GEMIN2: variants seen among roughly 807,000 people sequenced by gnomAD.
GEMIN2 encodes gem-associated protein 2.
Under a neutral mutation model 45.8 loss-of-function variants are expected in GEMIN2, and 37 were observed. The observed-to-expected ratio is 0.81, with a 90% CI of 0.62 to 1.06. GEMIN2 has a LOEUF of 1.06. Among genes scored for constraint, GEMIN2 ranks in the 50% least tolerant of loss-of-function variants. The probability of loss-of-function intolerance (pLI) is 0.00; values close to 1 mark genes in which losing one functional copy is unlikely to be tolerated. For missense variants in GEMIN2, 335 were observed against 321.8 expected (o/e 1.04, Z -0.31); for synonymous variants, 101 against 111.5 (o/e 0.91, Z 0.60).
At chr14:39,117,106 C>T (rs1035803329) in intron 2 of GEMIN2, among the ~76,000 whole-genome samples, 1 of 152,150 alleles carries the variant, frequency 6.6e-6, no homozygotes, top group Non-Finnish European at 1.5e-5. Context: ...AACCCCATCT[C>T]TACTAAAAAT....
chr14:39,134,488 A>G (rs1003874602), intron 9 of GEMIN2: 17 of 152,138 alleles, frequency 1.1e-4, no homozygotes, highest in African/African-American at 4.1e-4. Flanking sequence ...TGTTCCATAG[A>G]TCAGTGTTTT....
intron 2 of GEMIN2, among the ~76,000 whole-genome samples, chr14:39,117,300 A>G (rs1247480677): frequency 6.6e-6 from 1 of 151,808 alleles, no homozygotes; most frequent in Non-Finnish European, 1.5e-5. Context: ...ACAGAAGTAG[A>G]CAATTTAAAG....
Position 39,114,841 on chromosome 14 carries a change from T to C in GEMIN2, c.150T>C (p.Ala50=). ...EYLRRVQIEA[A]QCPDVVVAQI... is the part of the protein sequence containing the mutation. ...TACTTATTTGTAGGATCGAAGCAGC[T>C]CAATGTCCAGATGTTGTGGTAGCTC... The change falls in exon 2 of 10, where the codon GCT becomes GCC. Residue 50 remains alanine, a synonymous_variant. Coordinates refer to ENST00000308317, the MANE Select transcript of GEMIN2 (RefSeq NM_003616.3). The C allele has an allele frequency of 6.5e-7, 1 of 1,546,720 alleles. No individual in the cohort carries two copies. Among genetic ancestry groups the C allele is most frequent in the Non-Finnish European group, 8.9e-7 (1 of 1,118,576 alleles).
At chr14:39,126,859 AG>A (rs1227238364) in intron 6 of GEMIN2, among the ~76,000 whole-genome samples, 1 of 151,884 alleles carries the variant, frequency 6.6e-6, no homozygotes, top group Admixed American at 6.6e-5. Flanking sequence ...TCCACCTCCC[AG>A]GTTCAAGCAA....
intron 5 of GEMIN2, 60 bp downstream of exon 5, chr14:39,122,603 A>AT: frequency 9.4e-6 from 8 of 846,700 alleles, no homozygotes; most frequent in South Asian, 1.5e-5. Flanking sequence ...ACCACTTAAT[A>AT]TAAGGGGTCA....
chr14:39,132,282 G>A (rs1177357314), intron 8 of GEMIN2, among the ~76,000 whole-genome samples: 1 of 152,146 alleles, frequency 6.6e-6, no homozygotes, highest in Non-Finnish European at 1.5e-5. Context: ...TATAATCCCA[G>A]CACTTTGGGA....
rs1444509102 is a variant in GEMIN2 at position 39,128,268 on chromosome 14, T to G, written c.532-12T>G. Reference sequence around the variant, plus strand: ...AATACAACTCTTCTCCACCCCCTCTTTTTTTTTTTAGGCAACAGTAACTAG... The same window carrying G: ...AATACAACTCTTCTCCACCCCCTCTGTTTTTTTTTAGGCAACAGTAACTAG... On this transcript the variant is annotated splice_polypyrimidine_tract_variant and intron_variant, in intron 6 of 9. Coordinates refer to ENST00000308317, the MANE Select transcript of GEMIN2 (RefSeq NM_003616.3). 2 of 1,405,666 alleles carry G rather than the reference T, an allele frequency of 1.4e-6. No individual in the cohort carries two copies. Among genetic ancestry groups the G allele is most frequent in the African/African-American group, 2.9e-5 (2 of 68,468 alleles). 87.1% of individuals were successfully genotyped at this position (1,405,666 alleles called of 1,614,324 possible).
intron 8 of GEMIN2, among the ~76,000 whole-genome samples, chr14:39,132,851 G>C (rs2052735639): frequency 6.7e-6 from 1 of 150,196 alleles, no homozygotes; most frequent in South Asian, 2.1e-4. Context: ...GCTAATTTTT[G>C]TATTTTTAGT....
intron 6 of GEMIN2, among the ~76,000 whole-genome samples, chr14:39,127,707 C>A (rs570307955): frequency 9.2e-5 from 14 of 152,114 alleles, no homozygotes; most frequent in African/African-American, 2.9e-4. Flanking sequence ...TTAATAGTTA[C>A]AAACTAAATC....
chr14:39,126,712 G>C (rs146244874), intron 6 of GEMIN2, among the ~76,000 whole-genome samples: 98 of 152,204 alleles, frequency 6.4e-4, no homozygotes, highest in African/African-American at 2.2e-3. Context: ...ATTCAGATTT[G>C]TACTTTGATT....
chr14:39,130,462 G>A (rs2052702284), intron 7 of GEMIN2, among the ~76,000 whole-genome samples: 1 of 152,100 alleles, frequency 6.6e-6, no homozygotes, highest in African/African-American at 2.4e-5. Context: ...AAACCTTGAT[G>A]AATATACATA....
chr14:39,133,808 G>GT (rs909262994), intron 9 of GEMIN2, 89 bp downstream of exon 9: 1,349 of 718,242 alleles, frequency 1.9e-3, no homozygotes, highest in South Asian at 2.4e-3. Flanking sequence ...TGTTTGGTTG[G>GT]TTTTTTTTTG....
intron 7 of GEMIN2, 143 bp downstream of exon 7, chr14:39,128,491 T>C (rs1192114682): frequency 9.7e-5 from 43 of 445,014 alleles, no homozygotes; most frequent in East Asian, 9.3e-4. Flanking sequence ...TTTTCTTTTT[T>C]TTTTTTTTTT....
chr14:39,127,090 CTT>C (rs35988558), intron 6 of GEMIN2, among the ~76,000 whole-genome samples: 16 of 124,530 alleles, frequency 1.3e-4, no homozygotes, highest in Admixed American at 1.7e-4. Context: ...ACAAATACAT[CTT>C]TTTTTTTTTT....
intron 9 of GEMIN2, chr14:39,134,081 A>G (rs2052754874): frequency 6.3e-6 from 1 of 158,102 alleles, no homozygotes; most frequent in African/African-American, 2.4e-5. Context: ...ACAGGTGTAA[A>G]GCCACTGCAT....
At chr14:39,126,302 C>G (rs1429433746) in intron 6 of GEMIN2, among the ~76,000 whole-genome samples, 1 of 151,602 alleles carries the variant, frequency 6.6e-6, no homozygotes, top group Non-Finnish European at 1.5e-5. Flanking sequence ...ACCTCAGCCT[C>G]CTGGTAGCTG....
chr14:39,117,270 C>A (rs369376165), intron 2 of GEMIN2, among the ~76,000 whole-genome samples: 1,017 of 133,062 alleles, frequency 7.6e-3, no homozygotes, highest in Non-Finnish European at 8.7e-3. Flanking sequence ...AACTCCGTCT[C>A]AAAAAAAAAA....
intron 8 of GEMIN2, among the ~76,000 whole-genome samples, chr14:39,133,026 GTATA>G (rs755543423): frequency 7.6e-5 from 10 of 132,348 alleles, no homozygotes; most frequent in Non-Finnish European, 1.1e-4. Flanking sequence ...GTGTGTGTGT[GTATA>G]TATATATATC....
At chr14:39,122,369 T>G (rs1206860527) in intron 4 of GEMIN2, 61 bp from the exon 5 acceptor site, 3 of 824,618 alleles carry the variant, frequency 3.6e-6, no homozygotes, top group Non-Finnish European at 5.9e-6. Flanking sequence ...TTCTTTTTTT[T>G]TACTGTTCAG....
Sources: allele counts gnomAD v4.1 joint callset (sites outside exome capture counted in the v4.1 genomes callset), GRCh38; gene constraint gnomAD v4.1.1; transcripts MANE v1.5; gene names NCBI Gene and HGNC (gene_info 2026-07-23, HGNC 2026-07-21).